The following WSB1 variants were observed in gnomAD, a reference collection of about 807,000 sequenced individuals.
WSB1 encodes WD repeat and SOCS box-containing protein 1.
Under a neutral mutation model 50.2 loss-of-function variants are expected in WSB1, and 23 were observed. The observed-to-expected ratio is 0.46, with a 90% CI of 0.33 to 0.65. The LOEUF (loss-of-function observed/expected upper bound fraction) is 0.65. Among genes scored for constraint, WSB1 ranks in the 30% least tolerant of loss-of-function variants. The pLI is 0.02. For synonymous variants in WSB1, 179 were observed against 172.0 expected (o/e 1.04, Z -0.32); for missense variants, 492 against 522.3 (o/e 0.94, Z 0.56).
chr17:27,305,255 T>C (rs1172711927), intron 4 of WSB1, among the ~76,000 whole-genome samples: 1 of 152,232 alleles, frequency 6.6e-6, no homozygotes, highest in Non-Finnish European at 1.5e-5. Flanking sequence ...TAACTTACTG[T>C]ATTGGCTGAG....
At chr17:27,302,292 T>A (rs1261184459) in intron 2 of WSB1, 1 of 163,056 alleles carries the variant, frequency 6.1e-6, no homozygotes, top group East Asian at 1.8e-4. Context: ...ACACCTGTAG[T>A]CCCAGCTACT....
intron 2 of WSB1, 123 bp from the exon 3 acceptor site, chr17:27,303,244 T>G: frequency 9.2e-7 from 1 of 1,089,666 alleles, no homozygotes; most frequent in Non-Finnish European, 1.3e-6. Flanking sequence ...TAGGATTCTA[T>G]TGTTATTTGG....
In WSB1 at chr17:27,314,492, C is replaced by G. The variant is rs1325580180; in HGVS notation, c.*2123C>G. ...TTAGGAGGCTGAGGCAAGAGAATTG[C>G]TTGAACTGGAGAAATGGAGGTTGCA... On this transcript the variant is annotated 3_prime_UTR_variant, in exon 9 of 9. Coordinates refer to ENST00000262394, the MANE Select transcript of WSB1 (RefSeq NM_015626.10). 1 of 151,904 alleles carries G rather than the reference C, an allele frequency of 6.6e-6. No homozygotes were observed. Among genetic ancestry groups the G allele is most frequent in the African/African-American group, 2.4e-5 (1 of 41,356 alleles). The allele number at this position is 151,904 out of a possible 1,614,324, so 9.4% of individuals were successfully genotyped here. A position where few individuals can be genotyped will look rare whatever the true frequency, so the allele number is the denominator to read the frequency against.
intron 1 of WSB1, among the ~76,000 whole-genome samples, chr17:27,296,609 C>T (rs1461497267): frequency 3.3e-5 from 5 of 152,128 alleles, no homozygotes; most frequent in Admixed American, 6.5e-5. Context: ...AAGGCACTGC[C>T]ACAGATCATC....
chr17:27,306,934 G>A, intron 5 of WSB1, 52 bp downstream of exon 5: 3 of 1,515,746 alleles, frequency 2.0e-6, no homozygotes, highest in Non-Finnish European at 1.8e-6. Context: ...ATGATAATGT[G>A]TGCATAATCA....
chr17:27,300,803 C>G (rs1344245728), intron 1 of WSB1, among the ~76,000 whole-genome samples: 4 of 151,822 alleles, frequency 2.6e-5, no homozygotes, highest in Non-Finnish European at 4.4e-5. Flanking sequence ...AGTTCTTATG[C>G]TTCAGCCTTC....
chr17:27,315,434 G>A lies in WSB1; in HGVS notation c.*3065G>A, dbSNP rs766416513. 3 of 152,208 alleles carry A rather than the reference G, an allele frequency of 2.0e-5. No individual in the cohort carries two copies. The highest frequency in any genetic ancestry group is 2.9e-5 in the Non-Finnish European group (2 of 68,046). The allele number at this position is 152,208 out of a possible 1,614,324, so 9.4% of individuals were successfully genotyped here. A position where few individuals can be genotyped will look rare whatever the true frequency, so the allele number is the denominator to read the frequency against. On this transcript the variant is annotated 3_prime_UTR_variant, in exon 9 of 9. Transcript: ENST00000262394. ...GCAAATCTTAAACTTAACGATCCTTGAAATTTCCTGCCTGCTGTGACTGTG... is the reference window on the plus strand; with the variant it reads ...GCAAATCTTAAACTTAACGATCCTTAAAATTTCCTGCCTGCTGTGACTGTG...
chr17:27,311,458 C>G (rs549878218), intron 7 of WSB1, 51 bp from the exon 8 acceptor site: 3 of 1,499,546 alleles, frequency 2.0e-6, no homozygotes, highest in Admixed American at 4.4e-5. Context: ...AAAAAAGTTG[C>G]TTTTACCTTA....
chr17:27,294,551 G>A, intron 1 of WSB1, 116 bp downstream of exon 1: 9 of 1,445,078 alleles, frequency 6.2e-6, no homozygotes, highest in Admixed American at 2.0e-5. Context: ...GTGCGCCAGG[G>A]CCAGCCCACT....
chr17:27,295,253 T>C (rs2016906893), intron 1 of WSB1, among the ~76,000 whole-genome samples: 1 of 152,222 alleles, frequency 6.6e-6, no homozygotes, highest in Admixed American at 6.5e-5. Context: ...TGATAACACT[T>C]AGCAAACACT....
At chr17:27,304,079 C>T (rs2017344426) in intron 3 of WSB1, among the ~76,000 whole-genome samples, 2 of 152,126 alleles carry the variant, frequency 1.3e-5, no homozygotes, top group Non-Finnish European at 2.9e-5. Context: ...CTTTGGGCAA[C>T]TAGAAATAAA....
At chr17:27,295,550 A>AG (rs2016921111) in intron 1 of WSB1, among the ~76,000 whole-genome samples, 1 of 152,160 alleles carries the variant, frequency 6.6e-6, no homozygotes, top group Admixed American at 6.5e-5. Flanking sequence ...ATACAAACAC[A>AG]GAAAAAAAAG....
At chr17:27,307,550 G>A (rs2017511196) in intron 5 of WSB1, 1 of 576,852 alleles carries the variant, frequency 1.7e-6, no homozygotes, top group East Asian at 3.0e-5. Context: ...TGAATTAATG[G>A]AGGGTGGGAG....
rs779190201 is a variant in WSB1 at position 27,309,192 on chromosome 17, A to G, written c.804A>G (p.Gly268=). 2 of 1,613,436 alleles carry G rather than the reference A, an allele frequency of 1.2e-6. No individual in the cohort carries two copies. Among genetic ancestry groups the G allele is most frequent in the East Asian group, 4.5e-5 (2 of 44,836 alleles). ...DVVACDFSPD[G]ALLATASYDT... ...TAGCTTGTGACTTTTCTCCTGATGG[A>G]GCATTACTGGCTACTGCATCTTATG... The change falls in exon 6 of 9, where the codon GGA becomes GGG. Residue 268 remains glycine (G), a synonymous_variant. Transcript: ENST00000262394.
In WSB1 at chr17:27,299,930, A is replaced by ATT. The variant is rs1299151603; in HGVS notation, c.41-1857_41-1856dup. ...GTTGCACCAAAATAGTGTAAGCCTT[A>ATT]TTATGAATATCATAGAAAAGTAGGT... On this transcript the variant is annotated intron_variant, in intron 1 of 8. Transcript: ENST00000262394. 2.6e-5 allele frequency among the ~76,000 whole-genome samples: 4 copies of ATT among 151,464 alleles called. No homozygotes were observed. The East Asian group carries it at 7.7e-4, about 29-fold the overall frequency.
chr17:27,304,511 C>T (rs2017361948), intron 3 of WSB1, among the ~76,000 whole-genome samples: 1 of 109,516 alleles, frequency 9.1e-6, no homozygotes, highest in Non-Finnish European at 1.7e-5. Context: ...CCAGCCTGGG[C>T]AACATAGTGA....
chr17:27,299,604 A>T (rs1275757920), intron 1 of WSB1, among the ~76,000 whole-genome samples: 1 of 152,136 alleles, frequency 6.6e-6, no homozygotes, highest in Non-Finnish European at 1.5e-5. Context: ...CTTTGATTAA[A>T]CCACACCTGA....
intron 2 of WSB1, 40 bp from the exon 3 acceptor site, chr17:27,303,327 G>A (rs1567686890): frequency 1.2e-6 from 2 of 1,602,504 alleles, no homozygotes; most frequent in African/African-American, 2.7e-5. Context: ...AGTCCAGAGT[G>A]AATAATAATA....
In WSB1 at chr17:27,311,806, G is replaced by A. The variant is rs535431450; in HGVS notation, c.1106+190G>A. On this transcript the variant is annotated intron_variant, in intron 8 of 8. Transcript: ENST00000262394. ...ACCACCAGTCCTGGCTAATTTATTT[G>A]TTTGTTCGTTTTTCCAGTAGGGTCG... is the stretch of plus-strand genomic sequence containing the variant. Among the ~76,000 whole-genome samples, 6 of 151,722 alleles carry A rather than the reference G, an allele frequency of 4.0e-5. 1 individual carries two copies. The East Asian group carries it at 9.8e-4, about 25-fold the overall frequency.
Sources: allele counts gnomAD v4.1 joint callset (sites outside exome capture counted in the v4.1 genomes callset), GRCh38; gene constraint gnomAD v4.1.1; transcripts MANE v1.5; gene names NCBI Gene and HGNC (gene_info 2026-07-23, HGNC 2026-07-21).